Variants in PITPNC1 observed in about 807,000 individuals in gnomAD.
PITPNC1 encodes the protein cytoplasmic phosphatidylinositol transfer protein 1.
PITPNC1 carries 18 observed loss-of-function variants against 44.7 expected under a neutral mutation model. The ratio of observed to expected loss-of-function variants is 0.40; its 90% CI spans 0.28 to 0.60. PITPNC1 has a LOEUF of 0.60. PITPNC1 is among the 20% of genes least tolerant of loss of function. PITPNC1 has a pLI of 0.39. For missense variants in PITPNC1, 290 were observed against 418.4 expected, an observed-to-expected ratio of 0.69 and a Z score of 2.68; for synonymous variants, 141 against 149.6, an observed-to-expected ratio of 0.94 and a Z score of 0.42.
chr17:67,422,267 A>G (rs969362614), intron 1 of PITPNC1, among the ~76,000 whole-genome samples: 3 of 152,230 alleles, frequency 2.0e-5, no homozygotes, highest in Non-Finnish European at 4.4e-5. Context: ...TTACCATTGC[A>G]TAGAGTTGGA....
intron 1 of PITPNC1, among the ~76,000 whole-genome samples, chr17:67,387,068 C>G (rs1055642125): frequency 7.2e-5 from 11 of 152,178 alleles, no homozygotes; most frequent in African/African-American, 2.7e-4. Flanking sequence ...ATCTTGGAAA[C>G]TTTACTTTTT....
chr17:67,406,712 G>A (rs528173709), intron 1 of PITPNC1, among the ~76,000 whole-genome samples: 14 of 151,538 alleles, frequency 9.2e-5, no homozygotes, highest in African/African-American at 2.7e-4. Context: ...TCAGCCTCCC[G>A]AGTAGCTGGG....
At chr17:67,513,216 T>C (rs1236985398) in intron 1 of PITPNC1, among the ~76,000 whole-genome samples, 1 of 151,596 alleles carries the variant, frequency 6.6e-6, no homozygotes, top group Non-Finnish European at 1.5e-5. Flanking sequence ...ATACAAAAAT[T>C]AGCCAGGCAT....
At position 67,462,286 on chromosome 17, in the gene PITPNC1, C is replaced by T. The variant is rs529752560; in HGVS notation, c.49-70516C>T. 1.6e-4 allele frequency among the ~76,000 whole-genome samples: 20 copies of T among 125,448 alleles called. No individual in the cohort carries two copies. In the South Asian group the frequency reaches 2.7e-3, roughly 17 times the overall value. 82.3% of individuals were successfully genotyped at this position (125,448 alleles called of 152,430 possible). On this transcript the variant is annotated intron_variant, in intron 1 of 8. Transcript: ENST00000581322. ...TTGCTCTGTCGTCCAGGCTGGAGTGCGGTGGTGGGATCTCAGCTCACTACA... is the reference window on the plus strand; with the variant it reads ...TTGCTCTGTCGTCCAGGCTGGAGTGTGGTGGTGGGATCTCAGCTCACTACA...
At chr17:67,567,820 A>G (rs1366915030) in intron 4 of PITPNC1, among the ~76,000 whole-genome samples, 6 of 151,970 alleles carry the variant, frequency 3.9e-5, no homozygotes, top group Non-Finnish European at 5.9e-5. Flanking sequence ...CAAAAATACA[A>G]AAATTAGCTA....
intron 1 of PITPNC1, among the ~76,000 whole-genome samples, chr17:67,428,839 CTTTTTTTTTTT>C (rs369624053): frequency 2.7e-5 from 3 of 113,186 alleles, no homozygotes; most frequent in Non-Finnish European, 3.5e-5. Flanking sequence ...ACTTGTCTTG[CTTTTTTTTTTT>C]TTTTTTTTGA....
In PITPNC1 at chr17:67,504,168, T is replaced by C. The variant is rs187733728; in HGVS notation, c.49-28634T>C. Among the ~76,000 whole-genome samples, 5 of 152,230 alleles carry C rather than the reference T, an allele frequency of 3.3e-5. No individual in the cohort carries two copies. In the East Asian group the frequency reaches 9.6e-4, roughly 29 times the overall value. ...AGCACCCTATTTTGGGGTATTGCTT[T>C]CTGAGCCCCAACATCTCCAGCCTTC... is the stretch of plus-strand genomic sequence containing the variant. On this transcript the variant is annotated intron_variant, in intron 1 of 8. Coordinates refer to ENST00000581322, the MANE Select transcript of PITPNC1 (RefSeq NM_012417.4).
At chr17:67,491,134 A>G (rs991196211) in intron 1 of PITPNC1, among the ~76,000 whole-genome samples, 2 of 152,242 alleles carry the variant, frequency 1.3e-5, no homozygotes, top group South Asian at 2.1e-4. Context: ...ACCTCCTCAC[A>G]GTCGGCTCAG....
At chr17:67,494,216 T>C (rs2039908999) in intron 1 of PITPNC1, among the ~76,000 whole-genome samples, 2 of 148,154 alleles carry the variant, frequency 1.3e-5, no homozygotes, top group African/African-American at 5.2e-5. Context: ...TTTCTTTCTT[T>C]TTGAGACGTA....
intron 1 of PITPNC1, among the ~76,000 whole-genome samples, chr17:67,394,400 C>A (rs1472553001): frequency 6.6e-6 from 1 of 152,140 alleles, no homozygotes; most frequent in East Asian, 1.9e-4. Flanking sequence ...CCTTTTCTCC[C>A]TAGTAGGAAA....
At chr17:67,551,563 T>G (rs2040763718) in intron 2 of PITPNC1, among the ~76,000 whole-genome samples, 1 of 152,314 alleles carries the variant, frequency 6.6e-6, no homozygotes, top group East Asian at 1.9e-4. Context: ...CTCAAATCTC[T>G]TTCTCCTTTC....
At chr17:67,614,687 A>T (rs1379963396) in intron 5 of PITPNC1, among the ~76,000 whole-genome samples, 1 of 149,962 alleles carries the variant, frequency 6.7e-6, no homozygotes, top group Non-Finnish European at 1.5e-5. Context: ...AAAAAAAAAT[A>T]AATATATAAA....
chr17:67,556,746 G>A (rs2040842987), intron 4 of PITPNC1, among the ~76,000 whole-genome samples: 1 of 152,206 alleles, frequency 6.6e-6, no homozygotes, highest in African/African-American at 2.4e-5. Flanking sequence ...GCACTGATGG[G>A]ACCACTCCAA....
At chr17:67,533,293 G>T (rs1302688978) in intron 2 of PITPNC1, among the ~76,000 whole-genome samples, 1 of 152,062 alleles carries the variant, frequency 6.6e-6, no homozygotes, top group Non-Finnish European at 1.5e-5. Context: ...TAAAATAAAC[G>T]AAATGAATCT....
intron 1 of PITPNC1, among the ~76,000 whole-genome samples, chr17:67,502,256 A>G (rs2040041144): frequency 6.6e-6 from 1 of 151,742 alleles, no homozygotes; most frequent in African/African-American, 2.4e-5. Flanking sequence ...TCATAAAATC[A>G]TAATCCGTGT....
chr17:67,663,914 C>A (rs191560787), intron 6 of PITPNC1, among the ~76,000 whole-genome samples: 1 of 152,186 alleles, frequency 6.6e-6, no homozygotes, highest in African/African-American at 2.4e-5. Flanking sequence ...AGTGACCGAG[C>A]GAGCTTCTAG....
intron 1 of PITPNC1, among the ~76,000 whole-genome samples, chr17:67,434,537 G>A (rs957976774): frequency 1.3e-5 from 2 of 152,160 alleles, no homozygotes; most frequent in Non-Finnish European, 2.9e-5. Context: ...CAGGCTGGGC[G>A]CGGTGGCTCA....
chr17:67,481,576 C>T (rs551221228), intron 1 of PITPNC1, among the ~76,000 whole-genome samples: 2 of 152,148 alleles, frequency 1.3e-5, no homozygotes, highest in African/African-American at 4.8e-5. Context: ...TGGGCTCAAG[C>T]GATTCCCCCA....
intron 7 of PITPNC1, among the ~76,000 whole-genome samples, chr17:67,673,738 CA>C (rs2042550832): frequency 6.6e-6 from 1 of 151,650 alleles, no homozygotes; most frequent in Admixed American, 6.6e-5. Context: ...ATCACAAGAT[CA>C]GGGGTTCGAG....
Sources: allele counts gnomAD v4.1 joint callset (sites outside exome capture counted in the v4.1 genomes callset), GRCh38; gene constraint gnomAD v4.1.1; transcripts MANE v1.5; gene names NCBI Gene and HGNC (gene_info 2026-07-23, HGNC 2026-07-21).